Variants in IL36G observed in about 807,000 individuals in gnomAD.
The protein encoded by IL36G is interleukin-36 gamma.
IL36G carries 10 observed loss-of-function variants against 13.5 expected under a neutral mutation model. The ratio of observed to expected loss-of-function variants is 0.74; its 90% confidence interval spans 0.46 to 1.26. The LOEUF is 1.26. Ranked by LOEUF, IL36G falls within the 50% of genes most tolerant of loss-of-function variation. The pLI, the probability that IL36G is intolerant of heterozygous loss-of-function variation, is 0.00. For missense variants in IL36G, 199 were observed against 203.0 expected (o/e 0.98, Z 0.12); for synonymous variants, 84 against 74.0 (o/e 1.13, Z -0.69).
At chr2:112,980,178 C>T (rs768832857) in intron 4 of IL36G, 30 bp downstream of exon 4, 12 of 1,598,344 alleles carry the variant, frequency 7.5e-6, no homozygotes, top group Non-Finnish European at 1.0e-5. Context: ...ATTTAAAAAG[C>T]CTTTCCTTTT....
chr2:112,979,944 C>T, intron 3 of IL36G, 65 bp from the exon 4 acceptor site: 2 of 1,543,878 alleles, frequency 1.3e-6, no homozygotes, highest in Non-Finnish European at 1.8e-6. Flanking sequence ...TACTGCCCTG[C>T]TAAATCAAAT....
At position 112,979,997 on chromosome 2, in the gene IL36G, T is replaced by A. The variant is rs182778375; in HGVS notation, c.161-12T>A. 2.9e-5 allele frequency: 47 copies of A among 1,611,204 alleles called. No homozygotes were observed. The Admixed American group carries it at 6.6e-4, about 23-fold the overall frequency. On this transcript the variant is annotated splice_polypyrimidine_tract_variant and intron_variant, in intron 3 of 4. Transcript: ENST00000259205. Reference sequence around the variant, plus strand: ...AAGGAAACTGATACCATCTCTCCTCTTATCTTTACAGTCACTGTTGCTGTT... The same window carrying A: ...AAGGAAACTGATACCATCTCTCCTCATATCTTTACAGTCACTGTTGCTGTT...
At chr2:112,980,277 T>C in intron 4 of IL36G, 129 bp downstream of exon 4, 1 of 791,784 alleles carries the variant, frequency 1.3e-6, no homozygotes, top group Non-Finnish European at 2.0e-6. Context: ...CTCTTTTAAG[T>C]TATGTGCATG....
In IL36G at chr2:112,985,117, C is replaced by A; in HGVS notation, c.*68C>A. 8.7e-7 allele frequency: 1 copy of A among 1,154,442 alleles called. No homozygotes were observed. Among genetic ancestry groups the A allele is most frequent in the Non-Finnish European group, 1.3e-6 (1 of 797,188 alleles). 71.5% of individuals were successfully genotyped at this position (1,154,442 alleles called of 1,614,324 possible). On this transcript the variant is annotated 3_prime_UTR_variant, in exon 5 of 5. Coordinates refer to ENST00000259205, the MANE Select transcript of IL36G (RefSeq NM_019618.4). Reference sequence around the variant, plus strand: ...CTGGTTCCCAATGTGTTTTCGTCTACATTTTCTTAGTGTCATTTTCACGCT... The same window carrying A: ...CTGGTTCCCAATGTGTTTTCGTCTAAATTTTCTTAGTGTCATTTTCACGCT...
intron 4 of IL36G, among the ~76,000 whole-genome samples, chr2:112,980,556 G>T (rs1190229763): frequency 2.6e-5 from 4 of 152,236 alleles, no homozygotes; most frequent in Non-Finnish European, 5.9e-5. Flanking sequence ...TTTAGAGTGA[G>T]AGTTGACATT....
chr2:112,983,391 A>G (rs1340660067), intron 4 of IL36G, among the ~76,000 whole-genome samples: 3 of 152,234 alleles, frequency 2.0e-5, no homozygotes, highest in African/African-American at 7.2e-5. Context: ...CGCTAAGTTT[A>G]GATAGCAGTT....
At position 112,984,912 on chromosome 2, in the gene IL36G, G is replaced by T; in HGVS notation, c.373G>T (p.Gly125Cys). ...KPFLFYRAKT[G>C]RTSTLESVAF... ...CTTCCTTTTCTACCGTGCCAAGACTGGTAGGACCTCCACCCTTGAGTCTGT... is the reference window on the plus strand; with the variant it reads ...CTTCCTTTTCTACCGTGCCAAGACTTGTAGGACCTCCACCCTTGAGTCTGT... Residue 125 changes from glycine (G) to cysteine (C), a missense_variant, in exon 5 of 5, where the codon GGT (glycine) becomes TGT (cysteine). By Grantham distance (159) the Gly-to-Cys change is radical. Coordinates refer to ENST00000259205, the MANE Select transcript of IL36G (RefSeq NM_019618.4). 2 of 1,614,114 alleles carry T rather than the reference G, an allele frequency of 1.2e-6. No homozygotes were observed. Among genetic ancestry groups the T allele is most frequent in the African/African-American group, 1.3e-5 (1 of 75,040 alleles).
In IL36G at chr2:112,984,885, CCCTT is replaced by C; in HGVS notation, c.351_354del (p.Leu118SerfsTer33). On this transcript the variant is annotated frameshift_variant, in exon 5 of 5. Transcript: ENST00000259205. LOFTEE classifies it low-confidence loss of function (END_TRUNC). ...GTATGGCCAACCCGAGCCCGTGAAA[CCCTT>C]CCTTTTCTACCGTGCCAAGACTGGT... The C allele has an allele frequency of 1.2e-6, 2 of 1,614,128 alleles. No individual in the cohort carries two copies. The highest frequency in any genetic ancestry group is 1.7e-6 in the Non-Finnish European group (2 of 1,180,022).
intron 3 of IL36G, 118 bp from the exon 4 acceptor site, chr2:112,979,891 T>C (rs1296474295): frequency 5.3e-6 from 5 of 936,652 alleles, no homozygotes; most frequent in East Asian, 4.9e-5. Context: ...GTGGGTCTAG[T>C]TGGGATTACA....
intron 3 of IL36G, among the ~76,000 whole-genome samples, chr2:112,979,755 G>A (rs1021832041): frequency 4.6e-5 from 7 of 152,304 alleles, no homozygotes; most frequent in Middle Eastern, 3.4e-3. Context: ...AAGCAGAGGC[G>A]TGAGAATCTC....
chr2:112,979,174 G>A, intron 2 of IL36G, 47 bp from the exon 3 acceptor site: 1 of 1,250,820 alleles, frequency 8.0e-7, no homozygotes, highest in Non-Finnish European at 1.2e-6. Flanking sequence ...TAGTAAAGCA[G>A]CCTTGATTAT....
chr2:112,980,141 A>T lies in IL36G; in HGVS notation c.293A>T (p.Gln98Leu). 1.2e-6 allele frequency: 2 copies of T among 1,612,630 alleles called. No individual in the cohort carries two copies. Among genetic ancestry groups the T allele is most frequent in the Non-Finnish European group, 1.7e-6 (2 of 1,179,550 alleles). The part of the protein sequence containing the change: ...CEKVGEQPTL[Q>L]LKEQKIMDLY... Reference sequence around the variant, plus strand: ...AAGGTTGGAGAACAGCCCACATTGCAGCTAAAAGTGAGTAGCTAAGAAAAA... The same window carrying T: ...AAGGTTGGAGAACAGCCCACATTGCTGCTAAAAGTGAGTAGCTAAGAAAAA... Residue 98 changes from glutamine to leucine, a missense_variant, in exon 4 of 5, where the codon CAG (glutamine) becomes CTG (leucine). Transcript: ENST00000259205.
chr2:112,984,110 A>G (rs1405040099), intron 4 of IL36G, among the ~76,000 whole-genome samples: 1 of 152,252 alleles, frequency 6.6e-6, no homozygotes, highest in Admixed American at 6.5e-5. Flanking sequence ...AATTGAGTAA[A>G]GGAATCCTGT....
intron 4 of IL36G, among the ~76,000 whole-genome samples, chr2:112,982,010 G>C (rs1684272018): frequency 6.6e-6 from 1 of 152,192 alleles, no homozygotes; most frequent in Non-Finnish European, 1.5e-5. Flanking sequence ...AGATATAGCT[G>C]TGCACAGAAT....
At chr2:112,984,362 C>G (rs1356218234) in intron 4 of IL36G, among the ~76,000 whole-genome samples, 1 of 152,114 alleles carries the variant, frequency 6.6e-6, no homozygotes, top group South Asian at 2.1e-4. Flanking sequence ...TTGTTAGACC[C>G]TCTTGGGTCT....
At chr2:112,982,816 G>A (rs74797777) in intron 4 of IL36G, among the ~76,000 whole-genome samples, 3,218 of 152,208 alleles carry the variant, frequency 0.021, 104 homozygotes, top group South Asian at 0.088. Context: ...GTGCTGTAGT[G>A]GGGGCAAAAG....
At chr2:112,979,123 C>A in intron 2 of IL36G, 98 bp from the exon 3 acceptor site, 1 of 731,514 alleles carries the variant, frequency 1.4e-6, no homozygotes, top group Non-Finnish European at 2.4e-6. Flanking sequence ...CCCACACCTT[C>A]CTTACAAAAT....
At chr2:112,983,125 G>A (rs1432567333) in intron 4 of IL36G, among the ~76,000 whole-genome samples, 1 of 152,132 alleles carries the variant, frequency 6.6e-6, no homozygotes, top group Non-Finnish European at 1.5e-5. Flanking sequence ...GGGAGGTGCA[G>A]ATATGGGTGC....
Position 112,978,446 on chromosome 2 carries a change from G to T in IL36G, c.-19-174G>T, listed in dbSNP as rs541484472. On this transcript the variant is annotated intron_variant, in intron 1 of 4. Transcript: ENST00000259205. ...GGAAAATTCTACCTGTTCTCCCTTT[G>T]CTGATGCTTCCTTCAAGTTTCGTCC... 2.6e-5 allele frequency among the ~76,000 whole-genome samples: 4 copies of T among 152,290 alleles called. No homozygotes were observed. In the East Asian group the frequency reaches 7.7e-4, roughly 29 times the overall value.
Sources: gnomAD v4.1 joint callset for allele counts (sites outside exome capture counted in the v4.1 genomes callset) on GRCh38, gnomAD v4.1.1 for gene constraint, MANE v1.5 for transcripts, NCBI Gene and HGNC (gene_info 2026-07-23, HGNC 2026-07-21) for gene names.